The following RBM6 variants were observed in gnomAD, a reference collection of about 807,000 sequenced individuals.
RBM6 encodes the protein RNA binding motif protein 6.
A neutral mutation model predicts 140.4 loss-of-function variants in RBM6; 23 were observed. The ratio of observed to expected loss-of-function variants is 0.16; its 90% CI spans 0.12 to 0.23. The LOEUF is 0.23. RBM6 is among the 10% of genes least tolerant of loss of function. The pLI is 1.00. For missense variants in RBM6, 1,139 were observed against 1,386.7 expected (o/e 0.82, Z 2.84); for synonymous variants, 439 against 475.6 (o/e 0.92, Z 1.00).
chr3:50,015,067 A>G (rs1269106712), intron 6 of RBM6, among the ~76,000 whole-genome samples: 23 of 151,316 alleles, frequency 1.5e-4, no homozygotes, highest in Admixed American at 7.2e-4. Flanking sequence ...AAAAAAAAAA[A>G]AAAAGTTTTT....
rs185444918 is a variant in RBM6 at position 49,969,259 on chromosome 3, G to A, written c.1323+511G>A. Among the ~76,000 whole-genome samples the A allele has an allele frequency of 7.1e-3, 1,062 of 148,816 alleles. 15 individuals carry two copies. Among genetic ancestry groups the A allele is most frequent in the African/African-American group, 0.025 (1,013 of 40,792 alleles). On this transcript the variant is annotated intron_variant, in intron 3 of 20. Transcript: ENST00000266022. ...AGGCTGGTCTCGAACTCCTGACCTC[G>A]TGATCCGCCCACCTCGGCCTCCCAA... is the stretch of plus-strand genomic sequence containing the variant.
intron 6 of RBM6, among the ~76,000 whole-genome samples, chr3:50,030,433 A>C (rs1450303054): frequency 2.0e-5 from 3 of 152,052 alleles, no homozygotes; most frequent in Non-Finnish European, 4.4e-5. Context: ...ACACAAACAG[A>C]GCTCCACAGG....
intron 6 of RBM6, among the ~76,000 whole-genome samples, chr3:50,008,791 T>C (rs1444858675): frequency 6.6e-6 from 1 of 152,132 alleles, no homozygotes; most frequent in Non-Finnish European, 1.5e-5. Flanking sequence ...CCTCAGGTGA[T>C]CCACCCACCT....
At chr3:50,043,205 C>A (rs780045402) in intron 6 of RBM6, among the ~76,000 whole-genome samples, 1 of 152,018 alleles carries the variant, frequency 6.6e-6, no homozygotes, top group Admixed American at 6.6e-5. Context: ...ACCTCTTAGC[C>A]GGGTGCAGTG....
intron 6 of RBM6, among the ~76,000 whole-genome samples, chr3:50,024,060 C>T (rs2087660984): frequency 6.6e-6 from 1 of 152,144 alleles, no homozygotes; most frequent in Admixed American, 6.6e-5. Context: ...ATAAACTTCC[C>T]ATAATGACAT....
chr3:50,021,717 C>G (rs1273779223), intron 6 of RBM6, among the ~76,000 whole-genome samples: 1 of 140,672 alleles, frequency 7.1e-6, no homozygotes, highest in African/African-American at 2.7e-5. Context: ...ATATATTCAT[C>G]TCCATACTGA....
intron 1 of RBM6, among the ~76,000 whole-genome samples, chr3:49,946,831 G>A (rs2083507363): frequency 6.6e-6 from 1 of 151,144 alleles, no homozygotes; most frequent in Admixed American, 6.6e-5. Context: ...CATCTCACCC[G>A]GCCTATTTTC....
At chr3:49,993,546 G>A (rs2085926186) in intron 5 of RBM6, among the ~76,000 whole-genome samples, 1 of 152,138 alleles carries the variant, frequency 6.6e-6, no homozygotes, top group Non-Finnish European at 1.5e-5. Flanking sequence ...GGAGGCTAAG[G>A]CAGGAGAATT....
rs1231326831 is a variant in RBM6 at position 50,076,273 on chromosome 3, G to A, written c.3247-735G>A. Among the ~76,000 whole-genome samples the A allele has an allele frequency of 6.0e-5, 9 of 149,780 alleles. No individual in the cohort carries two copies. In the Admixed American group the frequency reaches 6.0e-4, roughly 10 times the overall value. ...CGTGAGCCACTGTGCCCGGCCAAAA[G>A]ATTCTTTAAAAAAATTATCCTGCCA... On this transcript the variant is annotated intron_variant, in intron 20 of 20. Transcript: ENST00000266022.
At chr3:49,955,038 C>T (rs562491422) in intron 1 of RBM6, among the ~76,000 whole-genome samples, 8 of 151,996 alleles carry the variant, frequency 5.3e-5, no homozygotes, top group South Asian at 4.2e-4. Flanking sequence ...GGATTACAGG[C>T]GTGAGCCACC....
chr3:49,956,340 T>C (rs2108599915), intron 1 of RBM6, among the ~76,000 whole-genome samples: 1 of 143,500 alleles, frequency 7.0e-6, no homozygotes, highest in East Asian at 2.0e-4. Context: ...TTTTTTTTTT[T>C]TTTTTTTTTT....
chr3:50,030,151 G>A (rs1276861594), intron 6 of RBM6, among the ~76,000 whole-genome samples: 1 of 151,696 alleles, frequency 6.6e-6, no homozygotes, highest in African/African-American at 2.4e-5. Flanking sequence ...GCACGTGCCT[G>A]TAGTCCCAGT....
At chr3:50,025,587 A>ATTTTTT (rs761261742) in intron 6 of RBM6, among the ~76,000 whole-genome samples, 1 of 124,460 alleles carries the variant, frequency 8.0e-6, no homozygotes, top group African/African-American at 3.0e-5. Context: ...TACAACTTTA[A>ATTTTTT]TTTTTTTTTT....
chr3:50,071,624 G>A (rs1475085106), intron 19 of RBM6, among the ~76,000 whole-genome samples: 1 of 152,114 alleles, frequency 6.6e-6, no homozygotes, highest in Non-Finnish European at 1.5e-5. Flanking sequence ...GGAGAAGGGA[G>A]ACCCTGCCTC....
intron 6 of RBM6, among the ~76,000 whole-genome samples, chr3:50,046,141 CATG>C: frequency 6.6e-6 from 1 of 151,540 alleles, no homozygotes. Context: ...ATTAGCCAGG[CATG>C]GTGGTGTGCG....
At chr3:50,053,916 G>A (rs2089591572) in intron 7 of RBM6, 1 of 158,408 alleles carries the variant, frequency 6.3e-6, no homozygotes, top group Non-Finnish European at 1.4e-5. Context: ...ATCAGTGTTT[G>A]AGAAAGGAGT....
Position 49,967,848 on chromosome 3 carries a change from T to G in RBM6, c.423T>G (p.Thr141=). Residue 141 remains threonine (T), a synonymous_variant, in exon 3 of 21, where the codon ACT becomes ACG. Transcript: ENST00000266022. This position sits in a 1 kb window ranked among gnomAD's most constrained non-coding sequence, Gnocchi z 4.0. ...PPMDYRGGDG[T]SMDYRGREAP... is the part of the protein sequence containing the mutation. Reference sequence around the variant, plus strand: ...TGGACTATAGGGGTGGAGATGGTACTTCTATGGATTATAGAGGTAGGGAGG... The same window carrying G: ...TGGACTATAGGGGTGGAGATGGTACGTCTATGGATTATAGAGGTAGGGAGG... 1.9e-6 allele frequency: 3 copies of G among 1,614,126 alleles called. No homozygotes were observed. Among genetic ancestry groups the G allele is most frequent in the African/African-American group, 1.3e-5 (1 of 75,006 alleles).
rs370357234 is a variant in RBM6, at chr3:50,074,271, T to C, written c.3117-930T>C. On this transcript the variant is annotated intron_variant, in intron 19 of 20. Transcript: ENST00000266022. ...ATTCAGATGTATCTTCCTGTTGAAA[T>C]TCCTGTCATTTTTGGTGATGCCCCT... 1.2e-4 allele frequency among the ~76,000 whole-genome samples: 19 copies of C among 152,320 alleles called. No homozygotes were observed. In the East Asian group the frequency reaches 2.3e-3, roughly 19 times the overall value.
chr3:50,075,370 G>A lies in RBM6; in HGVS notation c.3246+40G>A, dbSNP rs2090430682. Reference sequence around the variant, plus strand: ...ATCTTTTGGGGGGTGACATGAACCTGGAATGTAATTAACTTTCACTTTCTG... The same window carrying A: ...ATCTTTTGGGGGGTGACATGAACCTAGAATGTAATTAACTTTCACTTTCTG... On this transcript the variant is annotated intron_variant, in intron 20 of 20. Transcript: ENST00000266022. The A allele has an allele frequency of 2.5e-6, 4 of 1,597,664 alleles. No homozygotes were observed. The East Asian group carries it at 9.0e-5, about 36-fold the overall frequency.
Sources: allele counts gnomAD v4.1 joint callset (sites outside exome capture counted in the v4.1 genomes callset), GRCh38; gene constraint gnomAD v4.1.1; non-coding constraint Gnocchi (gnomAD v3.1); transcripts MANE v1.5; gene names NCBI Gene and HGNC (gene_info 2026-07-23, HGNC 2026-07-21).